Variants in CREM observed in about 807,000 individuals in gnomAD.
The protein encoded by CREM is cAMP-responsive element modulator.
CREM carries 13 observed loss-of-function variants against 37.3 expected under a neutral mutation model. The ratio of observed to expected loss-of-function variants is 0.35; its 90% CI spans 0.23 to 0.55. The LOEUF is 0.55. CREM is among the 20% of genes least tolerant of loss of function. The pLI, the probability that CREM is intolerant of heterozygous loss-of-function variation, is 0.88. For synonymous variants in CREM, 124 were observed against 120.2 expected (o/e 1.03, Z -0.21); for missense variants, 296 against 362.3 (o/e 0.82, Z 1.49).
chr10:35,158,927 A>G (rs1470506612), intron 3 of CREM, among the ~76,000 whole-genome samples: 2 of 151,528 alleles, frequency 1.3e-5, no homozygotes, highest in Non-Finnish European at 2.9e-5. Flanking sequence ...TGGTTCAAGC[A>G]ACATATATAT....
chr10:35,175,733 C>T, intron 3 of CREM: 2 of 1,614,128 alleles, frequency 1.2e-6, no homozygotes, highest in Non-Finnish European at 8.5e-7. Flanking sequence ...TTTGTCATTT[C>T]TCAGCAGCAG....
At chr10:35,194,416 A>T (rs760609016) in intron 6 of CREM, among the ~76,000 whole-genome samples, 5 of 152,232 alleles carry the variant, frequency 3.3e-5, no homozygotes, top group Non-Finnish European at 7.3e-5. Flanking sequence ...AAAATAAGGT[A>T]TTAGATTGAA....
At chr10:35,198,121 A>G (rs2095268566) in intron 6 of CREM, among the ~76,000 whole-genome samples, 1 of 152,182 alleles carries the variant, frequency 6.6e-6, no homozygotes, top group Non-Finnish European at 1.5e-5. Flanking sequence ...TCTACAGCTT[A>G]CAGTTTGAAA....
chr10:35,128,941 A>G (rs1032090671), intron 1 of CREM, among the ~76,000 whole-genome samples: 9 of 152,218 alleles, frequency 5.9e-5, no homozygotes, highest in Non-Finnish European at 1.3e-4. Flanking sequence ...AATTGCACAC[A>G]ATATGTTTTG....
At chr10:35,176,369 T>A (rs1304255078) in intron 3 of CREM, among the ~76,000 whole-genome samples, 1 of 152,008 alleles carries the variant, frequency 6.6e-6, no homozygotes, top group Non-Finnish European at 1.5e-5. Context: ...CACAGTAATA[T>A]AAAGATTATA....
In CREM at chr10:35,127,744, G is replaced by T. The variant is rs139926892; in HGVS notation, c.-55+551G>T. Among the ~76,000 whole-genome samples the T allele has an allele frequency of 1.3e-3, 194 of 152,340 alleles. 4 individuals carry two copies. The East Asian group carries it at 0.033, about 26-fold the overall frequency. Reference sequence around the variant, plus strand: ...GAGTGGGAAGGGCAGAGCCGCGACCGCTCTCGGAAGGCGCATTTTCCCTTC... The same window carrying T: ...GAGTGGGAAGGGCAGAGCCGCGACCTCTCTCGGAAGGCGCATTTTCCCTTC... On this transcript the variant is annotated intron_variant, in intron 1 of 7. Transcript: ENST00000685392.
chr10:35,179,987 A>G (rs2094285677), intron 5 of CREM: 1 of 152,270 alleles, frequency 6.6e-6, no homozygotes, highest in South Asian at 2.1e-4. Flanking sequence ...AAGGTTAGGG[A>G]TATCACATAT....
intron 2 of CREM, among the ~76,000 whole-genome samples, chr10:35,141,605 A>G (rs1349940853): frequency 6.6e-6 from 1 of 152,164 alleles, no homozygotes; most frequent in African/African-American, 2.4e-5. Context: ...TTCTGGACCC[A>G]CTGATTTTGA....
intron 3 of CREM, among the ~76,000 whole-genome samples, chr10:35,174,214 C>T (rs1214284817): frequency 2.0e-5 from 3 of 152,188 alleles, no homozygotes; most frequent in Admixed American, 2.0e-4. Flanking sequence ...CACTCAAGCT[C>T]TGGCATCTAC....
chr10:35,194,097 C>CAAAAAAAAAAAAAA (rs371978117), intron 6 of CREM, among the ~76,000 whole-genome samples: 290 of 25,056 alleles, frequency 0.012, 29 homozygotes, highest in South Asian at 0.015. Context: ...GACTTCATCT[C>CAAAAAAAAAAAAAA]AAAAAAAAAA....
chr10:35,207,911 C>T (rs975186844), intron 7 of CREM, among the ~76,000 whole-genome samples: 1 of 152,272 alleles, frequency 6.6e-6, no homozygotes, highest in Non-Finnish European at 1.5e-5. Context: ...ATTTCATCAG[C>T]AGGAGTTACA....
At chr10:35,169,501 C>T (rs1422021143) in intron 3 of CREM, among the ~76,000 whole-genome samples, 1 of 152,150 alleles carries the variant, frequency 6.6e-6, no homozygotes, top group African/African-American at 2.4e-5. Flanking sequence ...TGAGCTGAGA[C>T]GATGGGGTTT....
At chr10:35,200,815 C>T (rs1054983658) in intron 6 of CREM, among the ~76,000 whole-genome samples, 1 of 152,176 alleles carries the variant, frequency 6.6e-6, no homozygotes, top group Non-Finnish European at 1.5e-5. Context: ...AACAGGAACT[C>T]TCTATATAAA....
In CREM at chr10:35,208,386, T is replaced by C. The variant is rs149697193; in HGVS notation, c.755+1335T>C. Among the ~76,000 whole-genome samples the C allele has an allele frequency of 2.0e-4, 31 of 152,336 alleles. No homozygotes were observed. In the East Asian group the frequency reaches 3.9e-3, roughly 19 times the overall value. ...TATTTTCTAAAACTTTTTAAAAATT[T>C]AAACATAAATAAAATTTTATTTAAC... is the stretch of plus-strand genomic sequence containing the variant. On this transcript the variant is annotated intron_variant, in intron 7 of 7. Transcript: ENST00000685392.
rs111821960 is a variant in CREM, at chr10:35,212,068, C to A, written c.*670C>A. The stretch of plus-strand genomic sequence containing the variant: ...TTCCAATGCCACATACTTGCAGCTC[C>A]CATTCTATGTGTCATCAATAGTGTC... On this transcript the variant is annotated 3_prime_UTR_variant, in exon 8 of 8. Transcript: ENST00000685392. 1,063 of 313,134 alleles carry A rather than the reference C, an allele frequency of 3.4e-3. 16 individuals carry two copies. Among genetic ancestry groups the A allele is most frequent in the African/African-American group, 0.021 (982 of 46,544 alleles). The allele number at this position is 313,134 out of a possible 1,614,324, so 19.4% of individuals were successfully genotyped here. A position where few individuals can be genotyped will look rare whatever the true frequency, so the allele number is the denominator to read the frequency against.
At chr10:35,156,801 A>C (rs1410924213) in intron 3 of CREM, among the ~76,000 whole-genome samples, 1 of 152,230 alleles carries the variant, frequency 6.6e-6, no homozygotes, top group Admixed American at 6.5e-5. Flanking sequence ...TATTAGGTAG[A>C]GACAATGTTA....
chr10:35,149,440 T>A lies in CREM; in HGVS notation c.168+949T>A, dbSNP rs962012982. ...ATCGTATACATTTCAGGGTTTAGAGTACACTGTACTCTAAATAGTATTGAA... is the reference window on the plus strand; with the variant it reads ...ATCGTATACATTTCAGGGTTTAGAGAACACTGTACTCTAAATAGTATTGAA... On this transcript the variant is annotated intron_variant, in intron 3 of 7. Transcript: ENST00000685392. Among the ~76,000 whole-genome samples the A allele has an allele frequency of 5.3e-5, 8 of 152,026 alleles. No individual in the cohort carries two copies. The East Asian group carries it at 1.2e-3, about 22-fold the overall frequency.
intron 3 of CREM, among the ~76,000 whole-genome samples, chr10:35,171,002 A>C (rs926463890): frequency 2.0e-5 from 3 of 152,060 alleles, no homozygotes; most frequent in African/African-American, 7.2e-5. Flanking sequence ...ATTTTAATGA[A>C]AAAATTGTCT....
chr10:35,195,955 C>G (rs2095140155), intron 6 of CREM: 8 of 1,198,224 alleles, frequency 6.7e-6, no homozygotes, highest in South Asian at 1.3e-5. Flanking sequence ...GCCTCTGCCT[C>G]CAAGCTGCCT....
Sources: gnomAD v4.1 joint callset for allele counts (sites outside exome capture counted in the v4.1 genomes callset) on GRCh38, gnomAD v4.1.1 for gene constraint, MANE v1.5 for transcripts, NCBI Gene and HGNC (gene_info 2026-07-23, HGNC 2026-07-21) for gene names.